Variants in PRIM2 observed in about 807,000 individuals in gnomAD.
PRIM2 encodes DNA primase subunit 2.
A neutral mutation model predicts 67.3 loss-of-function variants in PRIM2; 39 were observed. The ratio of observed to expected loss-of-function variants is 0.58; its 90% confidence interval spans 0.45 to 0.76. The LOEUF (loss-of-function observed/expected upper bound fraction) is 0.76. Among genes scored for constraint, PRIM2 ranks in the 30% least tolerant of loss-of-function variants. The probability of loss-of-function intolerance (pLI) is 0.00; values close to 1 mark genes in which losing one functional copy is unlikely to be tolerated. For missense variants in PRIM2, 398 were observed against 598.7 expected (o/e 0.66, Z 3.50); for synonymous variants, 143 against 198.7 (o/e 0.72, Z 2.36).
intron 7 of PRIM2, among the ~76,000 whole-genome samples, chr6:57,473,715 G>C (rs1773394229): frequency 6.6e-6 from 1 of 152,098 alleles, no homozygotes; most frequent in South Asian, 2.1e-4. Context: ...TTCTGTGATA[G>C]TTTCATTCTA....
intron 7 of PRIM2, among the ~76,000 whole-genome samples, chr6:57,455,439 C>G (rs1367130673): frequency 6.6e-6 from 1 of 152,134 alleles, no homozygotes; most frequent in Non-Finnish European, 1.5e-5. Flanking sequence ...TTGTAGGTCT[C>G]TAAGGACTTG....
intron 5 of PRIM2, among the ~76,000 whole-genome samples, chr6:57,327,634 T>C (rs1049206392): frequency 9.9e-5 from 15 of 152,258 alleles, no homozygotes; most frequent in African/African-American, 3.6e-4. Flanking sequence ...TCTTCCACTT[T>C]GCTTTTAACT....
At chr6:57,562,768 GTA>G (rs1166732649) in intron 10 of PRIM2, among the ~76,000 whole-genome samples, 1 of 152,168 alleles carries the variant, frequency 6.6e-6, no homozygotes, top group Admixed American at 6.5e-5. Context: ...AAACCTTGAT[GTA>G]TATAGTCTTT....
chr6:57,493,501 G>A (rs1349282606), intron 7 of PRIM2, among the ~76,000 whole-genome samples: 2 of 152,112 alleles, frequency 1.3e-5, no homozygotes, highest in African/African-American at 4.8e-5. Context: ...AGTTCATGCT[G>A]GCATTAATTT....
At position 57,510,211 on chromosome 6, in the gene PRIM2, C is replaced by T. The variant is rs1554347569; in HGVS notation, c.761+2757C>T. ...ATGTTCATATTTGTATTTTCAATAG[C>T]GGAGACAGTATCTGGTGTATGATAG... On this transcript the variant is annotated intron_variant, in intron 8 of 13. Transcript: ENST00000615550. Among the ~76,000 whole-genome samples the T allele has an allele frequency of 4.6e-3, 700 of 152,120 alleles. 6 individuals carry two copies. Among genetic ancestry groups the T allele is most frequent in the Admixed American group, 5.9e-3 (90 of 15,270 alleles).
chr6:57,625,786 T>G (rs1776940948), intron 12 of PRIM2, among the ~76,000 whole-genome samples: 1 of 152,234 alleles, frequency 6.6e-6, no homozygotes, highest in Non-Finnish European at 1.5e-5. Context: ...TATAATGTTT[T>G]AAAGAAATGA....
chr6:57,498,986 T>C (rs1774069169), intron 7 of PRIM2, among the ~76,000 whole-genome samples: 1 of 152,168 alleles, frequency 6.6e-6, no homozygotes, highest in African/African-American at 2.4e-5. Context: ...TTTCAAACAA[T>C]TCTACTTCAA....
At chr6:57,243,767 G>A in the PRIM2 span, among the ~76,000 whole-genome samples, 534 of 152,296 alleles carry the variant, frequency 3.5e-3, 1 homozygote, top group African/African-American at 0.012. Context: ...GGGCCACAGC[G>A]CCTGGCCAGG....
chr6:57,273,018 C>G, the PRIM2 span, among the ~76,000 whole-genome samples: 3 of 152,186 alleles, frequency 2.0e-5, no homozygotes, highest in African/African-American at 7.2e-5. Flanking sequence ...ATGGGCTTCC[C>G]TTTGTGGGTA....
chr6:57,601,152 A>C lies in PRIM2; in HGVS notation c.1080A>C (p.Thr360=). ...RHSFGKEGKR[T]DYTPFSCLKI... is the part of the protein sequence containing the mutation. ...GCTTTGGAAAGGAAGGCAAGAGGAC[A>C]GACTATACACCTTTCAGTTGCCTGA... Residue 360 remains threonine (T), a synonymous_variant, in exon 11 of 14, where the codon ACA becomes ACC. Coordinates refer to ENST00000615550, the MANE Select transcript of PRIM2 (RefSeq NM_000947.5). 1.2e-6 allele frequency: 2 copies of C among 1,612,992 alleles called. No homozygotes were observed. Among genetic ancestry groups the C allele is most frequent in the Non-Finnish European group, 1.7e-6 (2 of 1,179,154 alleles).
chr6:57,326,358 T>G (rs753861861), intron 5 of PRIM2: 9 of 205,148 alleles, frequency 4.4e-5, no homozygotes, highest in Non-Finnish European at 7.7e-5. Flanking sequence ...TAATAATGTG[T>G]TAAACTAGAC....
upstream of PRIM2, among the ~76,000 whole-genome samples, chr6:57,309,819 T>C (rs1408507281): frequency 2.0e-5 from 3 of 152,192 alleles, no homozygotes; most frequent in East Asian, 5.8e-4. Context: ...ACATCCTCTC[T>C]AGCACCTGTT....
chr6:57,563,730 C>A (rs1319146556), intron 10 of PRIM2, among the ~76,000 whole-genome samples: 67 of 152,224 alleles, frequency 4.4e-4, no homozygotes, highest in African/African-American at 1.6e-3. Flanking sequence ...CAACCTCCGC[C>A]TCCTGGGTTC....
intron 5 of PRIM2, among the ~76,000 whole-genome samples, chr6:57,337,053 T>A (rs1383772559): frequency 6.6e-6 from 1 of 152,116 alleles, no homozygotes; most frequent in Non-Finnish European, 1.5e-5. Context: ...AGGCAGGGGT[T>A]GCAATCCTAG....
chr6:57,344,255 A>C (rs1768596375), intron 5 of PRIM2, among the ~76,000 whole-genome samples: 1 of 151,792 alleles, frequency 6.6e-6, no homozygotes, highest in African/African-American at 2.4e-5. Flanking sequence ...GAAAATACTA[A>C]CTGAATTCAA....
intron 7 of PRIM2, among the ~76,000 whole-genome samples, chr6:57,493,505 T>G (rs1773942095): frequency 6.6e-6 from 1 of 152,210 alleles, no homozygotes; most frequent in Non-Finnish European, 1.5e-5. Context: ...CATGCTGGCA[T>G]TAATTTGCAT....
intron 7 of PRIM2, among the ~76,000 whole-genome samples, chr6:57,503,254 T>C (rs1774177713): frequency 6.6e-6 from 1 of 152,134 alleles, no homozygotes; most frequent in African/African-American, 2.4e-5. Context: ...ATCAGATAAT[T>C]TCAGATAGTG....
At chr6:57,597,878 A>G (rs1238778681) in intron 10 of PRIM2, among the ~76,000 whole-genome samples, 1 of 152,214 alleles carries the variant, frequency 6.6e-6, no homozygotes, top group Non-Finnish European at 1.5e-5. Context: ...GCCAATATGT[A>G]TAATTATTTA....
intron 7 of PRIM2, among the ~76,000 whole-genome samples, chr6:57,438,140 C>G (rs900290512): frequency 2.6e-5 from 4 of 152,098 alleles, no homozygotes; most frequent in Admixed American, 2.0e-4. Context: ...AACTAAAAAT[C>G]CATTAGATAT....
Sources: allele counts gnomAD v4.1 joint callset (sites outside exome capture counted in the v4.1 genomes callset), GRCh38; gene constraint gnomAD v4.1.1; transcripts MANE v1.5; gene names NCBI Gene and HGNC (gene_info 2026-07-23, HGNC 2026-07-21).